Variants in OTOGL observed in about 807,000 individuals in gnomAD.
OTOGL encodes the protein otogelin like.
A neutral mutation model predicts 318.5 loss-of-function variants in OTOGL; 285 were observed. The observed-to-expected ratio is 0.89, with a 90% CI of 0.81 to 0.99. The LOEUF (loss-of-function observed/expected upper bound fraction) is 0.99. Among genes scored for constraint, OTOGL ranks in the 50% least tolerant of loss-of-function variants. The probability of loss-of-function intolerance (pLI) is 0.00; values close to 1 mark genes in which losing one functional copy is unlikely to be tolerated. For synonymous variants in OTOGL, 987 were observed against 936.5 expected (o/e 1.05, Z -0.99); for missense variants, 2,899 against 2,845.6 (o/e 1.02, Z -0.43).
At chr12:80,315,022 A>G (rs1237054966) in intron 32 of OTOGL, among the ~76,000 whole-genome samples, 4 of 152,186 alleles carry the variant, frequency 2.6e-5, no homozygotes, top group African/African-American at 9.6e-5. Context: ...AATCCAAAAA[A>G]GTTGAATTTT....
At chr12:80,242,212 C>G (rs1437063044) in intron 11 of OTOGL, among the ~76,000 whole-genome samples, 1 of 152,130 alleles carries the variant, frequency 6.6e-6, no homozygotes, top group Non-Finnish European at 1.5e-5. Flanking sequence ...ACATTTTTGT[C>G]TTTTGAAATG....
chr12:80,135,495 A>T (rs1871509761), intron 1 of OTOGL, among the ~76,000 whole-genome samples: 1 of 151,662 alleles, frequency 6.6e-6, no homozygotes, highest in African/African-American at 2.4e-5. Flanking sequence ...CTGGTCTCGA[A>T]CTCCTGCCCT....
chr12:80,374,524 G>A (rs1370313045), intron 57 of OTOGL, among the ~76,000 whole-genome samples: 1 of 152,106 alleles, frequency 6.6e-6, no homozygotes, highest in Non-Finnish European at 1.5e-5. Flanking sequence ...TTAGAAATAA[G>A]CACGTTTTCA....
chr12:80,298,178 C>T (rs1215637464), intron 27 of OTOGL, among the ~76,000 whole-genome samples: 1 of 152,150 alleles, frequency 6.6e-6, no homozygotes, highest in Non-Finnish European at 1.5e-5. Context: ...GTGAGGGATA[C>T]ATTCAGGTAA....
Position 80,262,016 on chromosome 12 carries a change from C to A in OTOGL, c.1937C>A (p.Ala646Glu), listed in dbSNP as rs765379804. Residue 646 changes from alanine (A) to glutamate (E), a missense_variant, in exon 19 of 59, where the codon GCG (alanine) becomes GAG (glutamate). Ala to Glu is a moderately radical substitution (Grantham distance 107). This residue lies in a region of OTOGL where 2,607 missense variants were observed against 2,524.9 expected (regional missense o/e 1.03). Coordinates refer to ENST00000547103, the MANE Select transcript of OTOGL (RefSeq NM_001378609.3). ...IEGTPQLHAN[A>E]WRVSSTCFAP... ...GGTACACCACAACTTCACGCAAATGCGTGGAGAGTTTCTTCTACCTGTTTT... is the reference window on the plus strand; with the variant it reads ...GGTACACCACAACTTCACGCAAATGAGTGGAGAGTTTCTTCTACCTGTTTT... 1.2e-6 allele frequency: 2 copies of A among 1,612,974 alleles called. No homozygotes were observed. Among genetic ancestry groups the A allele is most frequent in the South Asian group, 1.1e-5 (1 of 91,026 alleles).
At chr12:80,324,085 A>C (rs944249708) in intron 35 of OTOGL, among the ~76,000 whole-genome samples, 1 of 152,236 alleles carries the variant, frequency 6.6e-6, no homozygotes, top group Non-Finnish European at 1.5e-5. Context: ...CATGAAGCTT[A>C]CATATTGTTG....
chr12:80,323,887 TTC>T, intron 35 of OTOGL, 47 bp downstream of exon 35: 1 of 1,443,616 alleles, frequency 6.9e-7, no homozygotes, highest in Non-Finnish European at 9.7e-7. Context: ...CCTTAGCAAA[TTC>T]TGTTTTCAGT....
rs974165262 is a variant in OTOGL, at chr12:80,149,730, C to T, written c.-20+50125C>T. On this transcript the variant is annotated intron_variant, in intron 1 of 58. Transcript: ENST00000547103. ...CTAGCAATCATCGAGACTCCATGGG[C>T]GTAGGACCCTCCAAGCCAGGTGTGG... Among the ~76,000 whole-genome samples, 15 of 152,282 alleles carry T rather than the reference C, an allele frequency of 9.9e-5. 1 individual carries two copies. The highest frequency in any genetic ancestry group is 2.9e-4 in the African/African-American group (12 of 41,550).
intron 52 of OTOGL, 63 bp from the exon 53 acceptor site, chr12:80,366,511 T>TTATATATATA (rs35874282): frequency 0.12 from 20,694 of 175,278 alleles, 1,020 homozygotes; most frequent in Non-Finnish European, 0.14. Context: ...TATATATAGG[T>TTATATATATA]TATATATATA....
chr12:80,201,712 A>G (rs1360910489), intron 1 of OTOGL, among the ~76,000 whole-genome samples: 1 of 152,170 alleles, frequency 6.6e-6, no homozygotes, highest in Admixed American at 6.5e-5. Context: ...AAAACTCTCA[A>G]TCACATAGCA....
At chr12:80,148,150 G>C (rs544945933) in intron 1 of OTOGL, among the ~76,000 whole-genome samples, 2 of 151,586 alleles carry the variant, frequency 1.3e-5, no homozygotes, top group Non-Finnish European at 2.9e-5. Flanking sequence ...TCCTAGTCTC[G>C]ATGGTCTTTA....
intron 26 of OTOGL, among the ~76,000 whole-genome samples, chr12:80,286,660 A>G (rs1884648287): frequency 6.6e-6 from 1 of 152,056 alleles, no homozygotes; most frequent in Non-Finnish European, 1.5e-5. Context: ...TTTATTTGGT[A>G]GAAGTGTTTA....
At chr12:80,190,828 A>G (rs1875643767) in intron 1 of OTOGL, among the ~76,000 whole-genome samples, 1 of 149,392 alleles carries the variant, frequency 6.7e-6, no homozygotes, top group Non-Finnish European at 1.5e-5. Context: ...AGTGAATCCA[A>G]GTTTTGTTTC....
chr12:80,261,706 A>G (rs1309586922), intron 18 of OTOGL, among the ~76,000 whole-genome samples: 1 of 152,130 alleles, frequency 6.6e-6, no homozygotes, highest in Non-Finnish European at 1.5e-5. Context: ...CTTTCTCTGT[A>G]AAATGGGGAT....
At chr12:80,155,140 G>A (rs1264117499) in intron 1 of OTOGL, among the ~76,000 whole-genome samples, 1 of 152,062 alleles carries the variant, frequency 6.6e-6, no homozygotes, top group Non-Finnish European at 1.5e-5. Flanking sequence ...TTGTTTTCTT[G>A]TTGAGTTTTA....
chr12:80,279,924 A>G (rs993941797), intron 26 of OTOGL, among the ~76,000 whole-genome samples: 1 of 151,678 alleles, frequency 6.6e-6, no homozygotes, highest in Non-Finnish European at 1.5e-5. Flanking sequence ...ATAGCAGTGT[A>G]TAAGCATTCC....
chr12:80,305,829 C>A lies in OTOGL; in HGVS notation c.3333+134C>A, dbSNP rs1886074667. On this transcript the variant is annotated intron_variant, in intron 29 of 58. Coordinates refer to ENST00000547103, the MANE Select transcript of OTOGL (RefSeq NM_001378609.3). ...TAGTAATTTATAGCTGATAAACATTCATATTTATCTTCTCATGTAATTTTT... is the reference window on the plus strand; with the variant it reads ...TAGTAATTTATAGCTGATAAACATTAATATTTATCTTCTCATGTAATTTTT... 6 of 745,154 alleles carry A rather than the reference C, an allele frequency of 8.1e-6. No homozygotes were observed. The East Asian group carries it at 1.3e-4, about 16-fold the overall frequency. The allele number at this position is 745,154 out of a possible 1,614,324, so 46.2% of individuals were successfully genotyped here.
chr12:80,309,964 G>C (rs188190911), intron 29 of OTOGL, among the ~76,000 whole-genome samples: 2 of 152,280 alleles, frequency 1.3e-5, no homozygotes, highest in Non-Finnish European at 2.9e-5. Context: ...TTTGCAAAGA[G>C]AGGAGGGAGA....
At chr12:80,123,458 A>T (rs1013966961) in intron 1 of OTOGL, among the ~76,000 whole-genome samples, 2 of 152,088 alleles carry the variant, frequency 1.3e-5, no homozygotes, top group African/African-American at 4.8e-5. Context: ...GTTGGTTCCA[A>T]GTCTTTGCTA....
Sources: allele counts gnomAD v4.1 joint callset (sites outside exome capture counted in the v4.1 genomes callset), GRCh38; gene constraint gnomAD v4.1.1; regional missense constraint gnomAD v4.1.1; transcripts MANE v1.5; gene names NCBI Gene and HGNC (gene_info 2026-07-23, HGNC 2026-07-21).